The following MCC variants were observed in gnomAD, a reference collection of about 807,000 sequenced individuals.
MCC encodes MCC regulator of Wnt signaling pathway.
Under a neutral mutation model 116.2 loss-of-function variants are expected in MCC, and 90 were observed. The observed-to-expected ratio is 0.77, with a 90% confidence interval of 0.65 to 0.92. The LOEUF (loss-of-function observed/expected upper bound fraction) is 0.92, where lower values mean the gene tolerates loss of function less well. Ranked by LOEUF, MCC falls within the 40% of genes least tolerant of loss-of-function variation. The pLI, the probability that MCC is intolerant of heterozygous loss-of-function variation, is 0.00. For synonymous variants in MCC, 578 were observed against 510.5 expected, an observed-to-expected ratio of 1.13 and a Z score of -1.78; for missense variants, 1,516 against 1,312.2, an observed-to-expected ratio of 1.16 and a Z score of -2.40.
intron 1 of MCC, among the ~76,000 whole-genome samples, chr5:113,430,672 C>A (rs1770609582): frequency 6.6e-6 from 1 of 152,140 alleles, no homozygotes; most frequent in Non-Finnish European, 1.5e-5. Flanking sequence ...AGAGGTCTTG[C>A]CAACTTTGTT....
At chr5:113,078,312 A>G (rs1419872707) in intron 11 of MCC, among the ~76,000 whole-genome samples, 1 of 152,266 alleles carries the variant, frequency 6.6e-6, no homozygotes, top group East Asian at 1.9e-4. Context: ...TTATGAGGCC[A>G]GCATCATCCT....
At chr5:113,293,338 GTT>G (rs1766584218) in intron 3 of MCC, among the ~76,000 whole-genome samples, 1 of 152,044 alleles carries the variant, frequency 6.6e-6, no homozygotes, top group Non-Finnish European at 1.5e-5. Flanking sequence ...CTTTTACACT[GTT>G]TTCCTTTTCT....
Position 113,143,352 on chromosome 5 carries a change from C to G in MCC, c.750G>C (p.Gln250His), listed in dbSNP as rs138719533. ...CCTCATGCTCTCTCATGAGGTGGGA[C>G]TGCTCGCACTGGGAATAAGGGAAAA... ...EKKLAKAQCE[Q>H]SHLMREHEDV... The change falls in exon 5 of 19, where the codon CAG (glutamine) becomes CAC (histidine). Residue 250 changes from glutamine to histidine, a missense_variant. Gln to His is a conservative substitution (Grantham distance 24, BLOSUM62 0). Transcript: ENST00000408903. 715 of 1,613,682 alleles carry G rather than the reference C, an allele frequency of 4.4e-4. No homozygotes were observed. The highest frequency in any genetic ancestry group is 6.8e-4 in the Admixed American group (41 of 59,888).
At chr5:113,412,736 C>T (rs1188361753) in intron 1 of MCC, among the ~76,000 whole-genome samples, 1 of 152,146 alleles carries the variant, frequency 6.6e-6, no homozygotes, top group Non-Finnish European at 1.5e-5. Context: ...ATTTGACTTC[C>T]TCTTTTCCTA....
intron 3 of MCC, among the ~76,000 whole-genome samples, chr5:113,327,561 A>ATATATATATATATATATATATATATAT (rs1554076392): frequency 1.2e-5 from 1 of 80,566 alleles, no homozygotes; most frequent in Non-Finnish European, 2.5e-5. Flanking sequence ...AAAAAAAAAA[A>ATATATATATATATATATATATATATAT]ATATATATAT....
chr5:113,249,538 G>C (rs1163043911), intron 3 of MCC, among the ~76,000 whole-genome samples: 1 of 152,120 alleles, frequency 6.6e-6, no homozygotes, highest in Non-Finnish European at 1.5e-5. Flanking sequence ...ATTCATTCCA[G>C]CCTCTGCTCA....
chr5:113,481,185 T>TA (rs752484516), intron 1 of MCC, among the ~76,000 whole-genome samples: 6 of 152,200 alleles, frequency 3.9e-5, no homozygotes, highest in Non-Finnish European at 8.8e-5. Flanking sequence ...TTTCCCTTTT[T>TA]ATATATGTAC....
At chr5:113,068,871 G>T (rs1753817161) in intron 12 of MCC, among the ~76,000 whole-genome samples, 1 of 152,180 alleles carries the variant, frequency 6.6e-6, no homozygotes, top group Admixed American at 6.5e-5. Context: ...TCTCACAAGA[G>T]ACCCTGAACC....
intron 1 of MCC, among the ~76,000 whole-genome samples, chr5:113,430,037 G>T (rs73779005): frequency 0.12 from 17,498 of 152,136 alleles, 1,738 homozygotes; most frequent in African/African-American, 0.27. Context: ...AAGAAACCAT[G>T]GGGATTAGCC....
intron 3 of MCC, among the ~76,000 whole-genome samples, chr5:113,187,150 T>C (rs372143356): frequency 2.6e-5 from 4 of 152,300 alleles, no homozygotes; most frequent in East Asian, 3.9e-4. Flanking sequence ...ACTCCTCATA[T>C]GCCCCATCAC....
At chr5:113,364,096 T>C (rs1322589458) in intron 2 of MCC, among the ~76,000 whole-genome samples, 1 of 151,838 alleles carries the variant, frequency 6.6e-6, no homozygotes, top group Non-Finnish European at 1.5e-5. Context: ...CTGGGCATGG[T>C]GGTGGGTGCC....
intron 1 of MCC, among the ~76,000 whole-genome samples, chr5:113,459,188 G>C (rs996088557): frequency 1.5e-5 from 1 of 64,754 alleles, no homozygotes; most frequent in African/African-American, 1.4e-4. Flanking sequence ...TGAAGTGGGT[G>C]GGGGGGGGAG....
intron 2 of MCC, among the ~76,000 whole-genome samples, chr5:113,373,210 G>C (rs1253344952): frequency 6.6e-6 from 1 of 151,832 alleles, no homozygotes; most frequent in Non-Finnish European, 1.5e-5. Context: ...AATAAAAGAT[G>C]TTTCTAAGAG....
chr5:113,156,235 T>A (rs1019739509), intron 3 of MCC, among the ~76,000 whole-genome samples: 7 of 152,210 alleles, frequency 4.6e-5, no homozygotes, highest in Non-Finnish European at 7.3e-5. Context: ...ATGAAGCTGA[T>A]CTAATCCTAA....
At chr5:113,101,650 A>T (rs1756417185) in intron 8 of MCC, 89 bp downstream of exon 8, 2 of 1,368,272 alleles carry the variant, frequency 1.5e-6, no homozygotes, top group Non-Finnish European at 2.0e-6. Flanking sequence ...ATGCCACAAA[A>T]TTCTCACGGT....
intron 3 of MCC, among the ~76,000 whole-genome samples, chr5:113,289,493 T>G (rs1437728372): frequency 6.6e-6 from 1 of 152,128 alleles, no homozygotes; most frequent in Non-Finnish European, 1.5e-5. Context: ...TAATCTAGGC[T>G]GGGAAAACAG....
intron 1 of MCC, among the ~76,000 whole-genome samples, chr5:113,439,297 G>A (rs1185132136): frequency 2.6e-5 from 4 of 152,148 alleles, no homozygotes; most frequent in Non-Finnish European, 4.4e-5. Flanking sequence ...GAAGCATGCT[G>A]AGTACATTTC....
intron 1 of MCC, among the ~76,000 whole-genome samples, chr5:113,456,226 G>A (rs902078543): frequency 6.6e-6 from 1 of 152,112 alleles, no homozygotes; most frequent in Non-Finnish European, 1.5e-5. Flanking sequence ...AATGGCTTAG[G>A]AATGCCACCT....
chr5:113,161,103 G>A (rs1470745829), intron 3 of MCC, among the ~76,000 whole-genome samples: 1 of 152,134 alleles, frequency 6.6e-6, no homozygotes, highest in Non-Finnish European at 1.5e-5. Flanking sequence ...ATCCTAACTT[G>A]TAGTAATATT....
Sources: allele counts gnomAD v4.1 joint callset (sites outside exome capture counted in the v4.1 genomes callset), GRCh38; gene constraint gnomAD v4.1.1; transcripts MANE v1.5; gene names NCBI Gene and HGNC (gene_info 2026-07-23, HGNC 2026-07-21).